MYOM1: variants seen among roughly 807,000 people sequenced by gnomAD.
MYOM1 encodes myomesin 1.
In MYOM1, 164 loss-of-function variants were observed where a neutral mutation model predicts 205.3. That is an observed-to-expected ratio of 0.80 (90% CI 0.70 to 0.91). MYOM1 has a LOEUF of 0.91. Among genes scored for constraint, MYOM1 ranks in the 40% least tolerant of loss-of-function variants. The pLI is 0.00. For missense variants in MYOM1, 2,011 were observed against 2,127.3 expected, an observed-to-expected ratio of 0.95 and a Z score of 1.08; for synonymous variants, 772 against 789.4, an observed-to-expected ratio of 0.98 and a Z score of 0.37.
At chr18:3,072,636 G>A (rs533462317) in intron 36 of MYOM1, among the ~76,000 whole-genome samples, 5 of 152,130 alleles carry the variant, frequency 3.3e-5, no homozygotes, top group Non-Finnish European at 5.9e-5. Context: ...TTACAGGTGT[G>A]AGCCACCATG....
intron 2 of MYOM1, among the ~76,000 whole-genome samples, chr18:3,198,051 A>C (rs779603617): frequency 1.1e-4 from 16 of 149,980 alleles, no homozygotes; most frequent in Non-Finnish European, 1.9e-4. Context: ...TGAAATCATC[A>C]GTTACAGCTA....
chr18:3,151,973 A>C (rs1329720880), intron 11 of MYOM1, 80 bp from the exon 12 acceptor site: 3 of 1,405,924 alleles, frequency 2.1e-6, no homozygotes, highest in Non-Finnish European at 2.9e-6. Context: ...AGAATCACCC[A>C]GTTGTTTCAG....
chr18:3,090,866 C>T, intron 26 of MYOM1, 64 bp from the exon 27 acceptor site: 4 of 1,593,164 alleles, frequency 2.5e-6, no homozygotes, highest in East Asian at 2.2e-5. Context: ...GGAATGACAA[C>T]AAGCTTGATG....
At chr18:3,118,294 C>T (rs1242693847) in intron 20 of MYOM1, among the ~76,000 whole-genome samples, 1 of 152,118 alleles carries the variant, frequency 6.6e-6, no homozygotes, top group Non-Finnish European at 1.5e-5. Context: ...GCTGCCCCCT[C>T]CATTTCTTCT....
chr18:3,123,268 A>G (rs1298912149), intron 19 of MYOM1, among the ~76,000 whole-genome samples: 2 of 152,242 alleles, frequency 1.3e-5, no homozygotes, highest in Admixed American at 1.3e-4. Flanking sequence ...CTCCAAAAGA[A>G]CTTCAAGGTA....
At chr18:3,108,225 C>T (rs952079627) in intron 22 of MYOM1, among the ~76,000 whole-genome samples, 2 of 152,198 alleles carry the variant, frequency 1.3e-5, no homozygotes, top group African/African-American at 4.8e-5. Flanking sequence ...AAATTCTCAA[C>T]TGCAATGCTG....
the MYOM1 span, among the ~76,000 whole-genome samples, chr18:3,230,531 G>T: frequency 6.6e-6 from 1 of 152,242 alleles, no homozygotes; most frequent in Non-Finnish European, 1.5e-5. Context: ...GTATAACTTT[G>T]TAACTTCACT....
At chr18:3,121,789 A>G (rs1341805366) in intron 19 of MYOM1, among the ~76,000 whole-genome samples, 1 of 152,178 alleles carries the variant, frequency 6.6e-6, no homozygotes, top group Non-Finnish European at 1.5e-5. Flanking sequence ...AACTTTTAAA[A>G]ACGATTCAAA....
Position 3,134,759 on chromosome 18 carries a change from A to G in MYOM1, c.2275T>C (p.Trp759Arg), listed in dbSNP as rs2079931717. 6.2e-7 allele frequency: 1 copy of G among 1,613,936 alleles called. No homozygotes were observed. Among genetic ancestry groups the G allele is most frequent in the East Asian group, 2.2e-5 (1 of 44,882 alleles). Residue 759 changes from tryptophan to arginine, a missense_variant, in exon 16 of 38, where the codon TGG (tryptophan) becomes CGG (arginine). Physicochemically the swap from Trp to Arg is moderately radical, Grantham distance 101 (BLOSUM62 -3). Coordinates refer to ENST00000356443, the MANE Select transcript of MYOM1 (RefSeq NM_003803.4). ...TCTTTGGCATCTTTGGACTCCTCCCACGAAACTACCACTGAGGTGTCTGTG... is the reference window on the plus strand; with the variant it reads ...TCTTTGGCATCTTTGGACTCCTCCCGCGAAACTACCACTGAGGTGTCTGTG... ...RNTDTSVVVS[W>R]EESKDAKELV...
In MYOM1 at chr18:3,214,917, G is replaced by A. The variant is rs2144258582; in HGVS notation, c.290+17C>T. ...TCTTCCTGAGGTTGGAAGGTTGGAG[G>A]AGGGCGTCCGACATACCCATGGGAG... On this transcript the variant is annotated intron_variant, in intron 2 of 37. Coordinates refer to ENST00000356443, the MANE Select transcript of MYOM1 (RefSeq NM_003803.4). 1.3e-6 allele frequency: 2 copies of A among 1,561,726 alleles called. No homozygotes were observed. The highest frequency in any genetic ancestry group is 1.7e-6 in the Non-Finnish European group (2 of 1,152,172).
intron 18 of MYOM1, among the ~76,000 whole-genome samples, chr18:3,127,682 A>T (rs932819570): frequency 6.6e-6 from 1 of 152,042 alleles, no homozygotes; most frequent in East Asian, 1.9e-4. Context: ...AGACCTTACA[A>T]CTACACAACT....
chr18:3,190,415 G>A (rs555613340), intron 3 of MYOM1: 2 of 152,276 alleles, frequency 1.3e-5, no homozygotes, highest in African/African-American at 4.8e-5. Flanking sequence ...GCTGCTTGCT[G>A]AGGAATGAGA....
chr18:3,161,635 G>C (rs1307862167), intron 10 of MYOM1, among the ~76,000 whole-genome samples: 1 of 152,234 alleles, frequency 6.6e-6, no homozygotes. Context: ...CCTAGGAAGA[G>C]GCATCTGGAT....
intron 5 of MYOM1, among the ~76,000 whole-genome samples, chr18:3,177,622 C>A (rs980247003): frequency 3.0e-4 from 45 of 152,214 alleles, no homozygotes; most frequent in African/African-American, 1.1e-3. Flanking sequence ...CAGGCACCGG[C>A]CACTACGCCT....
intron 21 of MYOM1, among the ~76,000 whole-genome samples, chr18:3,114,199 T>C (rs2079569524): frequency 6.6e-6 from 1 of 152,194 alleles, no homozygotes; most frequent in Non-Finnish European, 1.5e-5. Context: ...ACCTAGGTGA[T>C]GATGTATGGC....
At position 3,149,936 on chromosome 18, in the gene MYOM1, C is replaced by T. The variant is rs181503767; in HGVS notation, c.1844-735G>A. Among the ~76,000 whole-genome samples the T allele has an allele frequency of 6.0e-4, 91 of 151,976 alleles. No individual in the cohort carries two copies. The East Asian group carries it at 0.013, about 22-fold the overall frequency. On this transcript the variant is annotated intron_variant, in intron 12 of 37. Coordinates refer to ENST00000356443, the MANE Select transcript of MYOM1 (RefSeq NM_003803.4). ...TTGGAATTGATAAAAGAGGAGCAAACGAAAGTATGAGATGGAATTTGCAAG... is the reference window on the plus strand; with the variant it reads ...TTGGAATTGATAAAAGAGGAGCAAATGAAAGTATGAGATGGAATTTGCAAG...
rs2080438187 is a variant in MYOM1 at position 3,164,323 on chromosome 18, T to C, written c.1456A>G (p.Met486Val). The C allele has an allele frequency of 6.2e-7, 1 of 1,613,002 alleles. No homozygotes were observed. Among genetic ancestry groups the C allele is most frequent in the South Asian group, 1.1e-5 (1 of 90,802 alleles). Residue 486 changes from methionine (M) to valine (V), a missense_variant, in exon 10 of 38, where the codon ATG (methionine) becomes GTG (valine). By Grantham distance (21) the Met-to-Val change is conservative (BLOSUM62 1). Coordinates refer to ENST00000356443, the MANE Select transcript of MYOM1 (RefSeq NM_003803.4). ...CTATATTGTTCATAATATTCTCCCA[T>C]CCGTACACGGATTGTATAGAGGCCT... is the stretch of plus-strand genomic sequence containing the variant. ...DEGLYTIRVR[M>V]GEYYEQYSAY...
chr18:3,216,121 A>T (rs764269210), intron 1 of MYOM1, among the ~76,000 whole-genome samples: 48 of 152,044 alleles, frequency 3.2e-4, no homozygotes, highest in Non-Finnish European at 6.3e-4. Flanking sequence ...TACAAAAATT[A>T]GCCTGGCATG....
chr18:3,095,523 G>A (rs758466046), intron 25 of MYOM1, among the ~76,000 whole-genome samples: 2 of 152,132 alleles, frequency 1.3e-5, no homozygotes, highest in Non-Finnish European at 1.5e-5. Context: ...AGCCGAGATC[G>A]CGCCACTGCA....
Sources: allele counts gnomAD v4.1 joint callset (sites outside exome capture counted in the v4.1 genomes callset), GRCh38; gene constraint gnomAD v4.1.1; transcripts MANE v1.5; gene names NCBI Gene and HGNC (gene_info 2026-07-23, HGNC 2026-07-21).